RYR2: variants seen among roughly 807,000 people sequenced by gnomAD.
RYR2 encodes the protein ryanodine receptor 2, also known as cardiac muscle ryanodine receptor-calcium release channel.
In RYR2, 227 loss-of-function variants were observed where a neutral mutation model predicts 601.1. That is an observed-to-expected ratio of 0.38 (90% CI 0.34 to 0.42). RYR2 has a LOEUF of 0.42. Ranked by LOEUF, RYR2 falls within the 10% of genes least tolerant of loss-of-function variation. The probability of loss-of-function intolerance (pLI) is 1.00; values close to 1 mark genes in which losing one functional copy is unlikely to be tolerated. For synonymous variants in RYR2, 2,223 were observed against 2,175.1 expected (o/e 1.02, Z -0.61); for missense variants, 4,646 against 6,156.5 (o/e 0.75, Z 8.21).
At chr1:237,646,713 A>G (rs3766878) in intron 48 of RYR2, among the ~76,000 whole-genome samples, 45,399 of 152,098 alleles carry the variant, frequency 0.3, 7,352 homozygotes, top group African/African-American at 0.42. Flanking sequence ...CTTGAGGAAC[A>G]AGCACATAAT....
intron 10 of RYR2, among the ~76,000 whole-genome samples, chr1:237,399,798 G>C (rs976684715): frequency 2.6e-5 from 4 of 152,168 alleles, no homozygotes; most frequent in African/African-American, 9.6e-5. Flanking sequence ...TGTGAGACGT[G>C]CAGTTTCGGG....
In RYR2 at chr1:237,456,695, G is replaced by C. The variant is rs768090922; in HGVS notation, c.1572G>C (p.Glu524Asp). The C allele has an allele frequency of 6.2e-7, 1 of 1,613,684 alleles. No individual in the cohort carries two copies. The highest frequency in any genetic ancestry group is 2.2e-5 in the East Asian group (1 of 44,872). Residue 524 changes from glutamate to aspartate, a missense_variant, in exon 16 of 105, where the codon GAG becomes GAC. By Grantham distance (45) the Glu-to-Asp change is conservative. Around this residue, in one of 17 missense-constraint regions of RYR2, gnomAD observed 1,807 missense variants for 2,088.1 expected, o/e 0.87. Transcript: ENST00000366574. ...ATGTTGCTGGGCGAGAAGCAGGAGA[G>C]TCTTGGAAATCCATTCTGAATTCTC... ...FADVAGREAG[E>D]SWKSILNSLY...
intron 1 of RYR2, among the ~76,000 whole-genome samples, chr1:237,244,479 G>C (rs1686571049): frequency 6.6e-6 from 1 of 152,100 alleles, no homozygotes. Flanking sequence ...TGTCCTTAGA[G>C]TGGAAAGTCT....
At chr1:237,580,147 C>T (rs1572957921) in intron 29 of RYR2, among the ~76,000 whole-genome samples, 1 of 123,450 alleles carries the variant, frequency 8.1e-6, no homozygotes, top group Admixed American at 8.5e-5. Context: ...CGTGAAATCA[C>T]AACAATTCTT....
intron 63 of RYR2, among the ~76,000 whole-genome samples, chr1:237,690,853 C>CT (rs1182098204): frequency 6.6e-6 from 1 of 152,100 alleles, no homozygotes; most frequent in Non-Finnish European, 1.5e-5. Context: ...ACAGTAAAGC[C>CT]TTTATAATAC....
intron 1 of RYR2, among the ~76,000 whole-genome samples, chr1:237,188,198 G>C (rs1223255588): frequency 1.3e-5 from 2 of 152,158 alleles, no homozygotes; most frequent in Middle Eastern, 3.2e-3. Context: ...TTTCTCCTAA[G>C]GTGGTTTTCT....
At chr1:237,444,345 TAATC>T (rs1708151816) in intron 13 of RYR2, among the ~76,000 whole-genome samples, 2 of 152,164 alleles carry the variant, frequency 1.3e-5, no homozygotes, top group African/African-American at 4.8e-5. Context: ...TTTTCTTTAT[TAATC>T]AGGGCACTTA....
chr1:237,279,210 A>G (rs1193330848), intron 2 of RYR2, among the ~76,000 whole-genome samples: 1 of 152,146 alleles, frequency 6.6e-6, no homozygotes, highest in East Asian at 1.9e-4. Context: ...AAGGATTGCT[A>G]TAGTATTTGG....
chr1:237,268,205 A>G (rs10495394), intron 1 of RYR2, among the ~76,000 whole-genome samples: 22,729 of 152,250 alleles, frequency 0.15, 1,981 homozygotes, highest in Non-Finnish European at 0.19. Context: ...TCTAGCATCC[A>G]AAAGAGTAAG....
At position 237,465,838 on chromosome 1, in the gene RYR2, G is replaced by A. The variant is rs189143360; in HGVS notation, c.1613-3254G>A. ...GCAATTGTAGCACAGTGGTATTTAC[G>A]TACATAAGCATAGAAAAGGTACAGT... On this transcript the variant is annotated intron_variant, in intron 16 of 104. Coordinates refer to ENST00000366574, the MANE Select transcript of RYR2 (RefSeq NM_001035.3). Among the ~76,000 whole-genome samples the A allele has an allele frequency of 5.8e-4, 89 of 152,260 alleles. 2 individuals are homozygous for A. The highest frequency in any genetic ancestry group is 2.1e-3 in the African/African-American group (87 of 41,546).
chr1:237,592,888 G>T (rs1294443428), intron 32 of RYR2, among the ~76,000 whole-genome samples: 3 of 151,690 alleles, frequency 2.0e-5, no homozygotes, highest in Admixed American at 6.6e-5. Flanking sequence ...GGGTGTCGTT[G>T]TGCACACCTG....
At chr1:237,213,915 C>CTTTTTTTTTTTTTTTTTTT (rs71180008) in intron 1 of RYR2, among the ~76,000 whole-genome samples, 7 of 65,496 alleles carry the variant, frequency 1.1e-4, no homozygotes, top group Non-Finnish European at 1.5e-4. Context: ...TTTTCTTTTT[C>CTTTTTTTTTTTTTTTTTTT]TTTTTTTTTT....
intron 1 of RYR2, among the ~76,000 whole-genome samples, chr1:237,050,692 A>G (rs1661150666): frequency 6.6e-6 from 1 of 152,230 alleles, no homozygotes; most frequent in Non-Finnish European, 1.5e-5. Context: ...AAAGATATAA[A>G]CTGAAATGAT....
At chr1:237,656,355 G>A (rs1018196693) in intron 53 of RYR2, among the ~76,000 whole-genome samples, 4 of 151,528 alleles carry the variant, frequency 2.6e-5, no homozygotes, top group Admixed American at 6.6e-5. Flanking sequence ...AGCATGCACT[G>A]CAAAGCTGTT....
chr1:237,056,904 GC>G (rs1448274278), intron 1 of RYR2, among the ~76,000 whole-genome samples: 1 of 152,184 alleles, frequency 6.6e-6, no homozygotes, highest in African/African-American at 2.4e-5. Context: ...GAAGGAACCA[GC>G]CCTGCTGACC....
At chr1:237,382,498 G>A (rs919458923) in intron 8 of RYR2, among the ~76,000 whole-genome samples, 24 of 150,840 alleles carry the variant, frequency 1.6e-4, no homozygotes, top group African/African-American at 2.4e-5. Context: ...TTTACATTAC[G>A]TATATCTCCT....
chr1:237,506,798 G>T lies in RYR2; in HGVS notation c.2702G>T (p.Gly901Val). 1 of 1,613,418 alleles carries T rather than the reference G, an allele frequency of 6.2e-7. No homozygotes were observed. The highest frequency in any genetic ancestry group is 8.5e-7 in the Non-Finnish European group (1 of 1,179,492). ...ELWVMNKIEL[G>V]WQYGPVRDDN... is the part of the protein sequence containing the mutation. ...TGGGTTATGAATAAAATTGAGCTTGGCTGGCAGTATGGTCCGGTATGTAAT... is the reference window on the plus strand; with the variant it reads ...TGGGTTATGAATAAAATTGAGCTTGTCTGGCAGTATGGTCCGGTATGTAAT... The change falls in exon 23 of 105, where the codon GGC (glycine) becomes GTC (valine). Residue 901 changes from glycine (G) to valine (V), a missense_variant. By Grantham distance (109) the Gly-to-Val change is moderately radical. Around this residue, in one of 17 missense-constraint regions of RYR2, gnomAD observed 1,807 missense variants for 2,088.1 expected, o/e 0.87. Coordinates refer to ENST00000366574, the MANE Select transcript of RYR2 (RefSeq NM_001035.3).
In RYR2 at chr1:237,388,152, C is replaced by T. The variant is rs765446676; in HGVS notation, c.742C>T (p.Pro248Ser). The T allele has an allele frequency of 1.9e-6, 3 of 1,613,886 alleles. No homozygotes were observed. The highest frequency in any genetic ancestry group is 3.3e-4 in the Middle Eastern group (2 of 6,042). Residue 248 changes from proline (P) to serine (S), a missense_variant, in exon 10 of 105, where the codon CCT becomes TCT. Coordinates refer to ENST00000366574, the MANE Select transcript of RYR2 (RefSeq NM_001035.3). ...HGHMDECLTVPSGEHGEEQRR... is the reference protein window; with the variant it reads ...HGHMDECLTVSSGEHGEEQRR... Reference sequence around the variant, plus strand: ...ACACATGGACGAGTGTCTCACTGTCCCTTCAGGAGAACATGGTGAAGAGCA... The same window carrying T: ...ACACATGGACGAGTGTCTCACTGTCTCTTCAGGAGAACATGGTGAAGAGCA...
chr1:237,390,802 T>C (rs1235469334), intron 10 of RYR2, among the ~76,000 whole-genome samples: 3 of 152,222 alleles, frequency 2.0e-5, no homozygotes, highest in Admixed American at 1.3e-4. Flanking sequence ...CTTGATTTCA[T>C]GTTGATAATT....
Sources: gnomAD v4.1 joint callset for allele counts (sites outside exome capture counted in the v4.1 genomes callset) on GRCh38, gnomAD v4.1.1 for gene constraint, gnomAD v4.1.1 regional missense constraint, MANE v1.5 for transcripts, NCBI Gene and HGNC (gene_info 2026-07-23, HGNC 2026-07-21) for gene names.